Variants in COL12A1 observed in about 807,000 individuals in gnomAD.
The protein encoded by COL12A1 is collagen alpha-1(XII) chain.
A neutral mutation model predicts 349.7 loss-of-function variants in COL12A1; 114 were observed. That is an observed-to-expected ratio of 0.33 (90% CI 0.28 to 0.38). The LOEUF is 0.38. Among genes scored for constraint, COL12A1 ranks in the 10% least tolerant of loss-of-function variants. The probability of loss-of-function intolerance (pLI) is 1.00; values close to 1 mark genes in which losing one functional copy is unlikely to be tolerated. For synonymous variants in COL12A1, 1,369 were observed against 1,329.0 expected, an observed-to-expected ratio of 1.03 and a Z score of -0.66; for missense variants, 3,284 against 3,756.9, an observed-to-expected ratio of 0.87 and a Z score of 3.29.
chr6:75,089,544 A>G (rs993215993), intron 63 of COL12A1, among the ~76,000 whole-genome samples: 1 of 152,234 alleles, frequency 6.6e-6, no homozygotes, highest in African/African-American at 2.4e-5. Context: ...CCAAACCAGT[A>G]GAATTATAGA....
At chr6:75,163,572 T>C (rs1299673120) in intron 14 of COL12A1, among the ~76,000 whole-genome samples, 1 of 152,078 alleles carries the variant, frequency 6.6e-6, no homozygotes, top group African/African-American at 2.4e-5. Context: ...GATGATGGGT[T>C]GATGGGTGCA....
At chr6:75,101,512 G>A (rs1768300718) in intron 58 of COL12A1, 88 bp downstream of exon 58, 4 of 1,320,956 alleles carry the variant, frequency 3.0e-6, no homozygotes, top group Non-Finnish European at 4.3e-6. Context: ...TACCAGCCTT[G>A]CAAACTGGAT....
intron 21 of COL12A1, among the ~76,000 whole-genome samples, chr6:75,148,950 C>T (rs567554607): frequency 9.9e-5 from 15 of 152,224 alleles, no homozygotes; most frequent in African/African-American, 2.4e-4. Flanking sequence ...AAATGTCTCA[C>T]GAGGTCTAAT....
At position 75,090,849 on chromosome 6, in the gene COL12A1, A is replaced by G. The variant is rs894338666; in HGVS notation, c.8752+474T>C. Among the ~76,000 whole-genome samples, 1 of 152,202 alleles carries G rather than the reference A, an allele frequency of 6.6e-6. No individual in the cohort carries two copies. The highest frequency in any genetic ancestry group is 1.5e-5 in the Non-Finnish European group (1 of 68,036). ...TGTTCCTCAGTACCGCACTTTGGAAAACATTGATTAAGACTTCTCTAAGAG... is the reference window on the plus strand; with the variant it reads ...TGTTCCTCAGTACCGCACTTTGGAAGACATTGATTAAGACTTCTCTAAGAG... On this transcript the variant is annotated intron_variant, in intron 62 of 65. Transcript: ENST00000322507. The surrounding 1 kb of genome is among the most constrained non-coding windows in gnomAD (Gnocchi z 4.1).
intron 60 of COL12A1, among the ~76,000 whole-genome samples, chr6:75,094,545 C>G (rs914856528): frequency 1.3e-5 from 2 of 151,992 alleles, no homozygotes; most frequent in Admixed American, 1.3e-4. Flanking sequence ...ATTATTTTAA[C>G]CAAAATATCT....
At chr6:75,187,036 G>T (rs935667694) in intron 8 of COL12A1, among the ~76,000 whole-genome samples, 1 of 151,734 alleles carries the variant, frequency 6.6e-6, no homozygotes, top group African/African-American at 2.4e-5. Context: ...CTTACTACCT[G>T]GGTGATGAAA....
chr6:75,134,679 C>G, intron 32 of COL12A1, 47 bp downstream of exon 32: 1 of 1,494,506 alleles, frequency 6.7e-7, no homozygotes, highest in Non-Finnish European at 9.0e-7. Flanking sequence ...TGATTCCATT[C>G]TAATAGTAGC....
At chr6:75,154,662 T>A in intron 16 of COL12A1, 125 bp from the exon 17 acceptor site, 1 of 901,298 alleles carries the variant, frequency 1.1e-6, no homozygotes, top group Non-Finnish European at 1.5e-6. Context: ...GTTTATAGTG[T>A]ACAACATTAT....
At chr6:75,098,978 C>T (rs1043270949) in intron 58 of COL12A1, among the ~76,000 whole-genome samples, 2 of 152,138 alleles carry the variant, frequency 1.3e-5, no homozygotes, top group Admixed American at 6.5e-5. Context: ...GAAATCCAGC[C>T]GAGGATTTCT....
chr6:75,186,190 A>C (rs549958232), intron 8 of COL12A1, among the ~76,000 whole-genome samples: 63 of 152,218 alleles, frequency 4.1e-4, no homozygotes, highest in Non-Finnish European at 8.7e-4. Context: ...AACATACAAA[A>C]TGGGAGAAAA....
chr6:75,121,624 A>G (rs1179445593), intron 43 of COL12A1, among the ~76,000 whole-genome samples, 183 bp from the exon 44 acceptor site: 2 of 152,248 alleles, frequency 1.3e-5, no homozygotes, highest in Non-Finnish European at 2.9e-5. Context: ...TTCCTGAATC[A>G]GTACCAGCAG....
In COL12A1 at chr6:75,140,897, T is replaced by C. The variant is rs528364071; in HGVS notation, c.4957+1135A>G. Among the ~76,000 whole-genome samples, 24 of 152,258 alleles carry C rather than the reference T, an allele frequency of 1.6e-4. No individual in the cohort carries two copies. The East Asian group carries it at 4.4e-3, about 28-fold the overall frequency. On this transcript the variant is annotated intron_variant, in intron 27 of 65. Transcript: ENST00000322507. ...AATGGAAACCACTAGCCACATGTAG[T>C]TGGCTATTGAACACTTAAAATGTGG...
At chr6:75,154,237 G>A (rs1035093900) in intron 17 of COL12A1, among the ~76,000 whole-genome samples, 179 bp downstream of exon 17, 1 of 151,844 alleles carries the variant, frequency 6.6e-6, no homozygotes, top group African/African-American at 2.4e-5. Context: ...AAAAAATACT[G>A]TCAAAAAGCA....
chr6:75,110,902 G>C (rs1425037376), intron 51 of COL12A1, among the ~76,000 whole-genome samples: 1 of 151,944 alleles, frequency 6.6e-6, no homozygotes, highest in Non-Finnish European at 1.5e-5. Context: ...GAACAGCTGA[G>C]AGTGATTGAA....
At chr6:75,187,053 G>A (rs544729825) in intron 8 of COL12A1, among the ~76,000 whole-genome samples, 62 of 151,514 alleles carry the variant, frequency 4.1e-4, no homozygotes, top group African/African-American at 1.4e-3. Flanking sequence ...GAAATGATCT[G>A]TACAACAAGC....
chr6:75,128,348 A>T lies in COL12A1; in HGVS notation c.6288T>A (p.Ile2096=). ...CACCATCTCCATCTTCATAAACAGC[A>T]ATAACAGTAATTTTATATGGAGTGT... The part of the protein sequence containing the change: ...QPDTPYKITV[I]AVYEDGDGGH... Residue 2096 remains isoleucine (I), a synonymous_variant, in exon 38 of 66, where the codon ATT becomes ATA. Transcript: ENST00000322507. The T allele has an allele frequency of 6.2e-7, 1 of 1,609,718 alleles. No individual in the cohort carries two copies.
At chr6:75,153,129 C>A (rs1019780528) in intron 17 of COL12A1, among the ~76,000 whole-genome samples, 2 of 151,908 alleles carry the variant, frequency 1.3e-5, no homozygotes, top group African/African-American at 4.8e-5. Context: ...TATTATCTAG[C>A]TATTAATCAT....
intron 51 of COL12A1, among the ~76,000 whole-genome samples, chr6:75,111,738 T>C (rs1321360313): frequency 6.6e-6 from 1 of 151,832 alleles, no homozygotes; most frequent in African/African-American, 2.4e-5. Flanking sequence ...TGATGAGGCA[T>C]TTATTTTACT....
At chr6:75,116,119 C>T (rs532615179) in intron 47 of COL12A1, 62 bp from the exon 48 acceptor site, 1 of 1,467,506 alleles carries the variant, frequency 6.8e-7, no homozygotes, top group Non-Finnish European at 9.5e-7. Flanking sequence ...TATATATGCA[C>T]AGAAAGTAGC....
Sources: allele counts gnomAD v4.1 joint callset (sites outside exome capture counted in the v4.1 genomes callset), GRCh38; gene constraint gnomAD v4.1.1; non-coding constraint Gnocchi (gnomAD v3.1); transcripts MANE v1.5; gene names NCBI Gene and HGNC (gene_info 2026-07-23, HGNC 2026-07-21).